SORCS2: variants seen among roughly 807,000 people sequenced by gnomAD.
SORCS2 encodes VPS10 domain-containing receptor SorCS2.
Under a neutral mutation model 141.6 loss-of-function variants are expected in SORCS2, and 100 were observed. That is an observed-to-expected ratio of 0.71 (90% CI 0.60 to 0.83). SORCS2 has a LOEUF of 0.83. Among genes scored for constraint, SORCS2 ranks in the 40% least tolerant of loss-of-function variants. The pLI is 0.00. For missense variants in SORCS2, 1,646 were observed against 1,560.2 expected, an observed-to-expected ratio of 1.05 and a Z score of -0.93; for synonymous variants, 789 against 676.9, an observed-to-expected ratio of 1.17 and a Z score of -2.57.
intron 19 of SORCS2, among the ~76,000 whole-genome samples, chr4:7,724,105 AGTGGTGGTGATGGTG>A (rs1259456152): frequency 1.5e-5 from 2 of 135,974 alleles, no homozygotes; most frequent in African/African-American, 6.4e-5. Context: ...TATTGATGAT[AGTGGTGGTGATGGTG>A]GTGGTGGTGG....
chr4:7,456,859 C>T (rs1022800554), intron 2 of SORCS2, among the ~76,000 whole-genome samples: 3 of 151,972 alleles, frequency 2.0e-5, no homozygotes, highest in Admixed American at 6.6e-5. Flanking sequence ...TCCACCCCAC[C>T]CCACCCTACC....
intron 3 of SORCS2, among the ~76,000 whole-genome samples, chr4:7,547,200 A>G (rs1713328734): frequency 6.6e-6 from 1 of 152,116 alleles, no homozygotes; most frequent in African/African-American, 2.4e-5. Flanking sequence ...CATCCTGGAC[A>G]CCCAAGAGTC....
chr4:7,660,844 A>G (rs62290704), intron 5 of SORCS2, among the ~76,000 whole-genome samples: 2,200 of 152,290 alleles, frequency 0.014, 24 homozygotes, highest in Middle Eastern at 0.027. Flanking sequence ...CCACCTCACG[A>G]AAGGATTCAG....
chr4:7,328,067 C>T (rs1719400717), intron 1 of SORCS2, among the ~76,000 whole-genome samples: 1 of 143,822 alleles, frequency 7.0e-6, no homozygotes, highest in African/African-American at 2.7e-5. Context: ...GCTCTATCAC[C>T]CAGGCTGGAG....
At chr4:7,453,277 G>T in intron 2 of SORCS2, among the ~76,000 whole-genome samples, 1 of 127,404 alleles carries the variant, frequency 7.8e-6, no homozygotes. Context: ...GCACTGTGTT[G>T]GGGTCAGGAG....
intron 1 of SORCS2, among the ~76,000 whole-genome samples, chr4:7,375,907 C>G (rs747717947): frequency 2.0e-5 from 3 of 152,184 alleles, no homozygotes; most frequent in Non-Finnish European, 2.9e-5. Context: ...GCGCAGGTTA[C>G]TTGCCTCTCT....
In SORCS2 at chr4:7,641,777, A is replaced by T. The variant is rs1283742845; in HGVS notation, c.813+3285A>T. On this transcript the variant is annotated intron_variant, in intron 4 of 26. Transcript: ENST00000507866. Reference sequence around the variant, plus strand: ...TGTATAGATGATGGATGGATGGATAAATGGATGGATGGATGGATGGATGGA... The same window carrying T: ...TGTATAGATGATGGATGGATGGATATATGGATGGATGGATGGATGGATGGA... Among the ~76,000 whole-genome samples, 3 of 78,950 alleles carry T rather than the reference A, an allele frequency of 3.8e-5. 1 individual carries two copies. Among genetic ancestry groups the T allele is most frequent in the East Asian group, 1.1e-3 (2 of 1,780 alleles). 51.8% of individuals were successfully genotyped at this position (78,950 alleles called of 152,430 possible).
At chr4:7,493,926 C>T (rs1460316251) in intron 2 of SORCS2, among the ~76,000 whole-genome samples, 2 of 152,188 alleles carry the variant, frequency 1.3e-5, no homozygotes, top group African/African-American at 4.8e-5. Flanking sequence ...AACACTGGGA[C>T]ACAAGCCTTT....
intron 2 of SORCS2, among the ~76,000 whole-genome samples, chr4:7,487,556 TAGAG>T (rs1324355984): frequency 6.6e-6 from 1 of 152,218 alleles, no homozygotes; most frequent in Non-Finnish European, 1.5e-5. Flanking sequence ...TTGCCTGCAC[TAGAG>T]AGAGCGCGCT....
chr4:7,460,618 C>T (rs530058294), intron 2 of SORCS2, among the ~76,000 whole-genome samples: 21 of 152,296 alleles, frequency 1.4e-4, no homozygotes, highest in Admixed American at 2.0e-4. Context: ...GCAGGCATGT[C>T]GGAATTGCAT....
At chr4:7,297,086 T>G (rs1560172718) in intron 1 of SORCS2, among the ~76,000 whole-genome samples, 1 of 151,850 alleles carries the variant, frequency 6.6e-6, no homozygotes. Context: ...TCAGAGTGCC[T>G]GGGGGGGTCC....
chr4:7,309,245 C>T (rs536483779), intron 1 of SORCS2, among the ~76,000 whole-genome samples: 17 of 152,304 alleles, frequency 1.1e-4, no homozygotes, highest in South Asian at 4.1e-4. Context: ...GATTGGCCCT[C>T]GGTCGCCCAG....
chr4:7,497,085 G>A lies in SORCS2; in HGVS notation c.549-34445G>A, dbSNP rs540837498. 4.6e-5 allele frequency among the ~76,000 whole-genome samples: 7 copies of A among 152,362 alleles called. No individual in the cohort carries two copies. In the South Asian group the frequency reaches 1.4e-3, roughly 32 times the overall value. On this transcript the variant is annotated intron_variant, in intron 2 of 26. Coordinates refer to ENST00000507866, the MANE Select transcript of SORCS2 (RefSeq NM_020777.3). ...TATTCTGCAGAAGAGGAAACTGAGG[G>A]TCAGAGTGGCAAAGAGAGATGGCCA...
chr4:7,540,128 G>A (rs1416996177), intron 3 of SORCS2, among the ~76,000 whole-genome samples: 1 of 89,440 alleles, frequency 1.1e-5, no homozygotes, highest in African/African-American at 4.9e-5. Context: ...CTCCCTCCCT[G>A]CTATGAGGGC....
rs372853537 is a variant in SORCS2, at chr4:7,729,600, C to G, written c.2996C>G (p.Pro999Arg). The change falls in exon 23 of 27, where the codon CCT (proline) becomes CGT (arginine). Residue 999 changes from proline to arginine, a missense_variant. By Grantham distance (103) the Pro-to-Arg change is moderately radical. Coordinates refer to ENST00000507866, the MANE Select transcript of SORCS2 (RefSeq NM_020777.3). ...CTCTCCCCGCAGGAGACCAGCGTCC[C>G]TCAGGAGCTTCTGGTGACTGTGGTG... is the stretch of plus-strand genomic sequence containing the variant. ...TRLLSKETSV[P>R]QELLVTVVKP... 2 of 1,586,494 alleles carry G rather than the reference C, an allele frequency of 1.3e-6. No individual in the cohort carries two copies. Among genetic ancestry groups the G allele is most frequent in the Non-Finnish European group, 8.6e-7 (1 of 1,166,598 alleles).
intron 26 of SORCS2, among the ~76,000 whole-genome samples, chr4:7,739,601 G>T (rs897558599): frequency 1.3e-5 from 2 of 152,184 alleles, no homozygotes; most frequent in African/African-American, 4.8e-5. Context: ...GGCCCAGCCA[G>T]GTGAAGGATG....
intron 3 of SORCS2, among the ~76,000 whole-genome samples, chr4:7,574,806 C>T (rs890621783): frequency 1.3e-5 from 2 of 152,212 alleles, no homozygotes; most frequent in South Asian, 2.1e-4. Context: ...CTGAAAGATG[C>T]CGTGTGGCAT....
At chr4:7,676,824 T>C (rs28460807) in intron 9 of SORCS2, among the ~76,000 whole-genome samples, 9,876 of 48,478 alleles carry the variant, frequency 0.2, 1,979 homozygotes, top group African/African-American at 0.3. Context: ...TCTCTCTCTC[T>C]CTCTCCCTCT....
At chr4:7,370,774 C>T (rs1289552923) in intron 1 of SORCS2, among the ~76,000 whole-genome samples, 3 of 152,188 alleles carry the variant, frequency 2.0e-5, no homozygotes, top group Non-Finnish European at 4.4e-5. Flanking sequence ...ACTGGGCCCC[C>T]TTTACTGGTC....
Sources: allele counts gnomAD v4.1 joint callset (sites outside exome capture counted in the v4.1 genomes callset), GRCh38; gene constraint gnomAD v4.1.1; transcripts MANE v1.5; gene names NCBI Gene and HGNC (gene_info 2026-07-23, HGNC 2026-07-21).